Variants in DGKH observed in about 807,000 individuals in gnomAD.
The protein encoded by DGKH is DAG kinase eta.
In DGKH, 90 loss-of-function variants were observed where a neutral mutation model predicts 159.3. That is an observed-to-expected ratio of 0.57 (90% CI 0.48 to 0.67). The LOEUF is 0.67. Ranked by LOEUF, DGKH falls within the 30% of genes least tolerant of loss-of-function variation. The probability of loss-of-function intolerance (pLI) is 0.00; values close to 1 mark genes in which losing one functional copy is unlikely to be tolerated. For missense variants in DGKH, 1,181 were observed against 1,506.1 expected, an observed-to-expected ratio of 0.78 and a Z score of 3.57; for synonymous variants, 536 against 553.8, an observed-to-expected ratio of 0.97 and a Z score of 0.45.
At chr13:42,121,018 G>A (rs1955058247) in intron 1 of DGKH, among the ~76,000 whole-genome samples, 1 of 150,732 alleles carries the variant, frequency 6.6e-6, no homozygotes, top group Admixed American at 6.6e-5. Flanking sequence ...TGAACTGGTT[G>A]TTTGGAACTT....
chr13:42,161,376 C>T (rs973532379), intron 7 of DGKH, among the ~76,000 whole-genome samples: 6 of 152,158 alleles, frequency 3.9e-5, no homozygotes, highest in African/African-American at 4.8e-5. Context: ...CGGCCGGGCG[C>T]GGTGGCTCAC....
At chr13:42,097,901 T>G (rs923626268) in intron 1 of DGKH, among the ~76,000 whole-genome samples, 3 of 152,182 alleles carry the variant, frequency 2.0e-5, no homozygotes, top group African/African-American at 7.2e-5. Flanking sequence ...GTACTGCCAG[T>G]TTTTGAGACA....
chr13:42,248,003 T>C (rs963810865), intron 29 of DGKH, among the ~76,000 whole-genome samples: 19 of 152,196 alleles, frequency 1.2e-4, no homozygotes, highest in African/African-American at 3.9e-4. Flanking sequence ...TAAATTCAGT[T>C]TAGCCTGTGT....
chr13:42,088,890 T>C (rs933113080), intron 1 of DGKH, among the ~76,000 whole-genome samples: 2 of 152,164 alleles, frequency 1.3e-5, no homozygotes, highest in African/African-American at 4.8e-5. Flanking sequence ...AATACAAAGA[T>C]ACAGATGTTT....
chr13:42,064,687 G>A (rs760839738), intron 1 of DGKH, among the ~76,000 whole-genome samples: 2 of 152,018 alleles, frequency 1.3e-5, no homozygotes, highest in Non-Finnish European at 2.9e-5. Context: ...AAAAGAAAGA[G>A]TACTAAAAGA....
intron 1 of DGKH, chr13:42,066,090 G>C (rs956436727): frequency 1.3e-5 from 2 of 152,200 alleles, no homozygotes; most frequent in African/African-American, 4.8e-5. Context: ...ATTGGAGACA[G>C]GGTTTCATCA....
intron 1 of DGKH, among the ~76,000 whole-genome samples, chr13:42,076,685 A>C (rs1340438898): frequency 6.6e-6 from 1 of 152,150 alleles, no homozygotes. Flanking sequence ...GAATGTAATT[A>C]TTTTACCACA....
In DGKH at chr13:42,199,835, T is replaced by A; in HGVS notation, c.2419T>A (p.Trp807Arg). Reference sequence around the variant, plus strand: ...CAGGAGCCGAACTAAAAACTTGATGTGGTATGGAGTCCTTGGAACCCGGGA... The same window carrying A: ...CAGGAGCCGAACTAAAAACTTGATGAGGTATGGAGTCCTTGGAACCCGGGA... ...KCRSRTKNLM[W>R]YGVLGTRELL... The change falls in exon 20 of 30, where the codon TGG (tryptophan) becomes AGG (arginine). Residue 807 changes from tryptophan to arginine, a missense_variant. Trp to Arg is a moderately radical substitution (Grantham distance 101). Coordinates refer to ENST00000337343, the MANE Select transcript of DGKH (RefSeq NM_178009.5). 1 of 1,603,278 alleles carries A rather than the reference T, an allele frequency of 6.2e-7. No homozygotes were observed. Among genetic ancestry groups the A allele is most frequent in the Non-Finnish European group, 8.5e-7 (1 of 1,177,196 alleles).
At chr13:42,091,620 C>T (rs1212067693) in intron 1 of DGKH, among the ~76,000 whole-genome samples, 2 of 152,056 alleles carry the variant, frequency 1.3e-5, no homozygotes, top group Non-Finnish European at 2.9e-5. Context: ...GCAAAGGAAA[C>T]AATGAAGTGA....
chr13:42,059,556 T>A (rs546125484), intron 1 of DGKH, among the ~76,000 whole-genome samples: 183 of 152,288 alleles, frequency 1.2e-3, no homozygotes, highest in Non-Finnish European at 2.1e-3. Flanking sequence ...GGCCTTCAAG[T>A]GTCTTATGAA....
chr13:42,162,056 C>T (rs1956195795), intron 7 of DGKH, among the ~76,000 whole-genome samples: 1 of 151,894 alleles, frequency 6.6e-6, no homozygotes, highest in East Asian at 1.9e-4. Context: ...TCTCGTTTTT[C>T]GTGGCAAACT....
chr13:42,076,556 AT>A (rs1954104834), intron 1 of DGKH, among the ~76,000 whole-genome samples: 1 of 151,938 alleles, frequency 6.6e-6, no homozygotes, highest in African/African-American at 2.4e-5. Flanking sequence ...TTTATTGCCC[AT>A]TTTCCAGAAA....
intron 3 of DGKH, among the ~76,000 whole-genome samples, chr13:42,151,414 G>T (rs1182346643): frequency 6.7e-6 from 1 of 149,974 alleles, no homozygotes; most frequent in Admixed American, 6.7e-5. Context: ...ATGGCTTCTA[G>T]TTCCATCCAT....
intron 1 of DGKH, among the ~76,000 whole-genome samples, chr13:42,095,789 A>G (rs138902784): frequency 1.3e-5 from 2 of 152,334 alleles, no homozygotes; most frequent in African/African-American, 4.8e-5. Context: ...CATAATTACA[A>G]TTCAATTAAG....
intron 1 of DGKH, among the ~76,000 whole-genome samples, chr13:42,075,526 C>T (rs558200065): frequency 6.6e-6 from 1 of 152,292 alleles, no homozygotes; most frequent in East Asian, 1.9e-4. Flanking sequence ...TTCCTTAAAT[C>T]TTTCAGAAGC....
intron 27 of DGKH, 104 bp downstream of exon 27, chr13:42,219,453 T>C (rs1390420999): frequency 6.8e-7 from 1 of 1,471,942 alleles, no homozygotes; most frequent in Non-Finnish European, 9.2e-7. Flanking sequence ...GAATTTTGAA[T>C]ACTACTTTCA....
intron 3 of DGKH, among the ~76,000 whole-genome samples, chr13:42,141,914 T>C (rs1353178077): frequency 4.6e-5 from 7 of 151,784 alleles, no homozygotes; most frequent in African/African-American, 1.7e-4. Context: ...ATCCCATTTG[T>C]CAATTTTGGC....
intron 17 of DGKH, chr13:42,196,064 A>G (rs1028825212): frequency 6.6e-6 from 1 of 152,252 alleles, no homozygotes; most frequent in Non-Finnish European, 1.5e-5. Context: ...CAACATCGTT[A>G]GTCACCAGGG....
chr13:42,221,279 CAG>C lies in DGKH; in HGVS notation c.3461_3462del (p.Glu1154GlyfsTer22). 1 of 1,613,546 alleles carries C rather than the reference CAG, an allele frequency of 6.2e-7. No individual in the cohort carries two copies. Among genetic ancestry groups the C allele is most frequent in the Non-Finnish European group, 8.5e-7 (1 of 1,179,602 alleles). On this transcript the variant is annotated frameshift_variant, in exon 29 of 30. Transcript: ENST00000337343. LOFTEE classifies it high-confidence loss of function. Reference sequence around the variant, plus strand: ...ACTTTGGTAGTTCAGAAATGGGGCACAGAGGAAGTTGCTGCTTGGCTGGATCT... The same window carrying C: ...ACTTTGGTAGTTCAGAAATGGGGCACAGGAAGTTGCTGCTTGGCTGGATCT...
Sources: gnomAD v4.1 joint callset for allele counts (sites outside exome capture counted in the v4.1 genomes callset) on GRCh38, gnomAD v4.1.1 for gene constraint, MANE v1.5 for transcripts, NCBI Gene and HGNC (gene_info 2026-07-23, HGNC 2026-07-21) for gene names.